The following ZNF605 variants were observed in gnomAD, a reference collection of about 807,000 sequenced individuals.
ZNF605 encodes zinc finger protein 605.
ZNF605 carries 9 observed loss-of-function variants against 7.9 expected under a neutral mutation model. The ratio of observed to expected loss-of-function variants is 1.14; its 90% CI spans 0.68 to 1.98. ZNF605 has a LOEUF of 1.98. ZNF605 is among the 30% of genes most tolerant of loss of function. ZNF605 has a pLI of 0.00. For missense variants in ZNF605, 673 were observed against 762.4 expected (o/e 0.88, Z 1.38); for synonymous variants, 255 against 260.1 (o/e 0.98, Z 0.19).
At chr12:132,929,044 C>CAAA (rs140441684) in intron 4 of ZNF605, among the ~76,000 whole-genome samples, 28 of 151,180 alleles carry the variant, frequency 1.9e-4, no homozygotes, top group South Asian at 1.3e-3. Flanking sequence ...CAAAACAAAA[C>CAAA]AAAAAAACCC....
chr12:132,947,467 C>T (rs1274663261), intron 2 of ZNF605, among the ~76,000 whole-genome samples: 3 of 152,032 alleles, frequency 2.0e-5, no homozygotes, highest in Admixed American at 2.0e-4. Flanking sequence ...TGTACGCCAC[C>T]ATCCCCAGCT....
At chr12:132,951,411 A>G (rs1193169851) in intron 1 of ZNF605, among the ~76,000 whole-genome samples, 23 of 151,586 alleles carry the variant, frequency 1.5e-4, no homozygotes, top group Admixed American at 1.5e-3. Context: ...CATCACACAC[A>G]CTCACAGACA....
At chr12:132,954,688 C>G (rs1243980953) in intron 1 of ZNF605, among the ~76,000 whole-genome samples, 2 of 151,720 alleles carry the variant, frequency 1.3e-5, no homozygotes, top group East Asian at 2.0e-4. Flanking sequence ...ACACCCCATT[C>G]TCTAATCCAC....
chr12:132,938,672 TC>T (rs2085424629), intron 3 of ZNF605, among the ~76,000 whole-genome samples: 1 of 152,106 alleles, frequency 6.6e-6, no homozygotes, highest in African/African-American at 2.4e-5. Context: ...AGCCCTTCAG[TC>T]CCCCACTGCA....
chr12:132,930,524 A>G (rs1202277450), intron 4 of ZNF605, among the ~76,000 whole-genome samples: 2 of 152,316 alleles, frequency 1.3e-5, no homozygotes, highest in Admixed American at 6.5e-5. Context: ...AGCCCTCAAT[A>G]TAGGTAGGAT....
rs371189950 is a variant in ZNF605 at position 132,946,912 on chromosome 12, G to A, written c.-162-1115C>T. On this transcript the variant is annotated intron_variant, in intron 2 of 4. Coordinates refer to ENST00000360187, the MANE Select transcript of ZNF605 (RefSeq NM_183238.4). Reference sequence around the variant, plus strand: ...GCAGCTGACACCCCGAGGGGAATGTGTGCTCACAGGCCTGGAAGGGCAAAT... The same window carrying A: ...GCAGCTGACACCCCGAGGGGAATGTATGCTCACAGGCCTGGAAGGGCAAAT... Among the ~76,000 whole-genome samples, 7 of 152,222 alleles carry A rather than the reference G, an allele frequency of 4.6e-5. No individual in the cohort carries two copies. The East Asian group carries it at 1.2e-3, about 25-fold the overall frequency.
chr12:132,928,561 A>G (rs1952271354), intron 4 of ZNF605, among the ~76,000 whole-genome samples: 2 of 152,256 alleles, frequency 1.3e-5, no homozygotes, highest in African/African-American at 4.8e-5. Flanking sequence ...ATTTTCATCC[A>G]ATAAGTACAA....
intron 3 of ZNF605, among the ~76,000 whole-genome samples, chr12:132,940,884 TTCCC>T (rs1400743351): frequency 5.3e-5 from 8 of 152,006 alleles, no homozygotes; most frequent in Admixed American, 3.3e-4. Flanking sequence ...GGCTTCCCTC[TTCCC>T]TCCCTCCCTC....
At position 132,938,672 on chromosome 12, in the gene ZNF605, T is replaced by C. The variant is rs1201158462; in HGVS notation, c.16-5517A>G. Among the ~76,000 whole-genome samples, 13 of 152,224 alleles carry C rather than the reference T, an allele frequency of 8.5e-5. No homozygotes were observed. The East Asian group carries it at 1.5e-3, about 18-fold the overall frequency. ...TGGTGGCATTTGAGGAGCCCTTCAG[T>C]CCCCCACTGCACTGTGGGAGCCCCT... On this transcript the variant is annotated intron_variant, in intron 3 of 4. Transcript: ENST00000360187.
intron 1 of ZNF605, among the ~76,000 whole-genome samples, chr12:132,948,797 G>T (rs940279478): frequency 2.6e-5 from 4 of 152,256 alleles, no homozygotes; most frequent in African/African-American, 9.6e-5. Context: ...CCCAGAGGCT[G>T]AGGATTGGAG....
intron 1 of ZNF605, among the ~76,000 whole-genome samples, chr12:132,953,693 G>T (rs1016204686): frequency 6.6e-6 from 1 of 152,040 alleles, no homozygotes; most frequent in Non-Finnish European, 1.5e-5. Flanking sequence ...CCAAAGTGCT[G>T]GGATTACAGG....
rs942044993 is a variant in ZNF605 at position 132,926,829 on chromosome 12, C to G, written c.470G>C (p.Trp157Ser). The G allele has an allele frequency of 6.2e-6, 10 of 1,614,182 alleles. No individual in the cohort carries two copies. The highest frequency in any genetic ancestry group is 1.7e-5 in the Admixed American group (1 of 60,026). ...GTGTGTTATGTGATTAGCAGTGAGC[C>G]ATGGCTCTTCGTTGCTGGATTTTCT... is the stretch of plus-strand genomic sequence containing the variant. Reference protein sequence around the residue: ...TCRKSSNEEPWLTANHITHTG... With the variant: ...TCRKSSNEEPSLTANHITHTG... The change falls in exon 5 of 5, where the codon TGG becomes TCG. Residue 157 changes from tryptophan (W) to serine (S), a missense_variant. Trp to Ser is a radical substitution (Grantham distance 177). Transcript: ENST00000360187.
At chr12:132,956,108 C>G (rs1473016946) in intron 1 of ZNF605, 135 bp downstream of exon 1, 4 of 151,880 alleles carry the variant, frequency 2.6e-5, no homozygotes, top group Non-Finnish European at 5.9e-5. Context: ...TCGCCCCAGC[C>G]GGCAGCCAGC....
chr12:132,948,786 C>T (rs1952523337), intron 1 of ZNF605, among the ~76,000 whole-genome samples: 3 of 152,240 alleles, frequency 2.0e-5, no homozygotes, highest in Admixed American at 1.3e-4. Context: ...CTCCCACGTA[C>T]CCCAGAGGCT....
At chr12:132,956,068 C>T (rs1952634422) in intron 1 of ZNF605, among the ~76,000 whole-genome samples, 175 bp downstream of exon 1, 1 of 150,840 alleles carries the variant, frequency 6.6e-6, no homozygotes, top group Non-Finnish European at 1.5e-5. Context: ...GCCTTCCGCG[C>T]ATGCGCCCAG....
At chr12:132,945,977 C>G (rs929472885) in intron 2 of ZNF605, among the ~76,000 whole-genome samples, 180 bp from the exon 3 acceptor site, 4 of 152,238 alleles carry the variant, frequency 2.6e-5, no homozygotes, top group South Asian at 2.1e-4. Flanking sequence ...ACGTCTCCGT[C>G]GGGTCTGACC....
chr12:132,938,082 G>A (rs1227420823), intron 3 of ZNF605, among the ~76,000 whole-genome samples: 4 of 152,150 alleles, frequency 2.6e-5, no homozygotes, highest in Non-Finnish European at 5.9e-5. Flanking sequence ...CTGGGTTCAC[G>A]CCATTCTCCT....
intron 4 of ZNF605, among the ~76,000 whole-genome samples, chr12:132,932,310 G>A (rs956440731): frequency 1.3e-5 from 2 of 151,818 alleles, no homozygotes; most frequent in Non-Finnish European, 2.9e-5. Context: ...TTTTAAAATA[G>A]AAATATATCA....
intron 3 of ZNF605, chr12:132,945,293 T>G: frequency 1.1e-6 from 1 of 869,596 alleles, no homozygotes; most frequent in Non-Finnish European, 1.9e-6. Flanking sequence ...ATAATCTACT[T>G]TGTGCTTCTT....
Sources: allele counts gnomAD v4.1 joint callset (sites outside exome capture counted in the v4.1 genomes callset), GRCh38; gene constraint gnomAD v4.1.1; transcripts MANE v1.5; gene names NCBI Gene and HGNC (gene_info 2026-07-23, HGNC 2026-07-21).